Variants in TMC5 observed in about 807,000 individuals in gnomAD.
The protein encoded by TMC5 is transmembrane channel-like protein 5.
Under a neutral mutation model 110.5 loss-of-function variants are expected in TMC5, and 86 were observed. That is an observed-to-expected ratio of 0.78 (90% confidence interval 0.65 to 0.93). TMC5 has a LOEUF of 0.93. Among genes scored for constraint, TMC5 ranks in the 40% least tolerant of loss-of-function variants. TMC5 has a pLI of 0.00. For synonymous variants in TMC5, 455 were observed against 439.5 expected, an observed-to-expected ratio of 1.04 and a Z score of -0.44; for missense variants, 1,144 against 1,222.8, an observed-to-expected ratio of 0.94 and a Z score of 0.96.
At chr16:19,484,935 G>A (rs1245371453) in intron 15 of TMC5, among the ~76,000 whole-genome samples, 1 of 150,954 alleles carries the variant, frequency 6.6e-6, no homozygotes, top group Non-Finnish European at 1.5e-5. Flanking sequence ...CTTTGATGAT[G>A]AGTTTTACAA....
chr16:19,458,048 G>A (rs1273466451), intron 5 of TMC5, among the ~76,000 whole-genome samples: 10 of 151,682 alleles, frequency 6.6e-5, no homozygotes, highest in East Asian at 5.9e-4. Flanking sequence ...ATCCTTAATC[G>A]CTACACTGTC....
chr16:19,487,033 G>A lies in TMC5; in HGVS notation c.2439+13G>A, dbSNP rs752720741. 7.4e-6 allele frequency: 12 copies of A among 1,613,262 alleles called. No individual in the cohort carries two copies. The highest frequency in any genetic ancestry group is 1.7e-5 in the Admixed American group (1 of 59,982). On this transcript the variant is annotated intron_variant, in intron 16 of 21. Transcript: ENST00000542583. ...CTACTCCAAAAATGTGAGTCAGTCCGACATTGCCATCAATCAGCTTTGTTC... is the reference window on the plus strand; with the variant it reads ...CTACTCCAAAAATGTGAGTCAGTCCAACATTGCCATCAATCAGCTTTGTTC...
chr16:19,449,021 G>A (rs998932687), intron 4 of TMC5, among the ~76,000 whole-genome samples: 2 of 151,034 alleles, frequency 1.3e-5, no homozygotes. Context: ...ACTACACCCG[G>A]CTAATTTTTT....
upstream of TMC5, among the ~76,000 whole-genome samples, chr16:19,415,783 C>T (rs563764427): frequency 1.3e-5 from 2 of 152,178 alleles, no homozygotes; most frequent in Non-Finnish European, 2.9e-5. Context: ...CACCCTCCTC[C>T]TCTCATTTCC....
chr16:19,479,364 G>C (rs1968560967), intron 13 of TMC5, 67 bp from the exon 14 acceptor site: 2 of 1,197,438 alleles, frequency 1.7e-6, no homozygotes, highest in Admixed American at 3.4e-5. Flanking sequence ...CATAGAGCCA[G>C]GAACAGAGGA....
intron 5 of TMC5, among the ~76,000 whole-genome samples, chr16:19,450,942 A>C (rs1397679164): frequency 2.6e-5 from 4 of 152,166 alleles, no homozygotes; most frequent in Non-Finnish European, 5.9e-5. Context: ...TGTGGTGATG[A>C]AGGTTGAATC....
intron 1 of TMC5, among the ~76,000 whole-genome samples, chr16:19,428,061 T>C (rs932786491): frequency 1.3e-5 from 2 of 152,230 alleles, no homozygotes; most frequent in East Asian, 1.9e-4. Context: ...CTTAGAGTTA[T>C]AGTTAGGGTA....
At chr16:19,446,436 C>T (rs1967616767) in intron 4 of TMC5, among the ~76,000 whole-genome samples, 1 of 152,238 alleles carries the variant, frequency 6.6e-6, no homozygotes, top group Admixed American at 6.5e-5. Context: ...TTGAGACATA[C>T]TGTGCTACTC....
intron 1 of TMC5, among the ~76,000 whole-genome samples, chr16:19,428,816 T>TTTTTG (rs770795722): frequency 3.3e-5 from 5 of 151,932 alleles, no homozygotes; most frequent in South Asian, 2.1e-4. Flanking sequence ...ATATTTTCCT[T>TTTTTG]TTTTGTTTTG....
In TMC5 at chr16:19,436,273, G is replaced by GAAAAAAAGAAA. The variant is rs1555480349; in HGVS notation, c.-79-3680_-79-3679insGAAAAAAAAAA. On this transcript the variant is annotated intron_variant, in intron 2 of 21. Transcript: ENST00000542583. Reference sequence around the variant, plus strand: ...AAAGAGCAAAAGTTCGTCTCAAAAAGAAAAAAAAAAAGAAAGGAAAAAGAA... The same window carrying GAAAAAAAGAAA: ...AAAGAGCAAAAGTTCGTCTCAAAAAGAAAAAAAGAAAAAAAAAAAAAAGAAAGGAAAAAGAA... Among the ~76,000 whole-genome samples, 53 of 107,594 alleles carry GAAAAAAAGAAA rather than the reference G, an allele frequency of 4.9e-4. 5 individuals carry two copies. The South Asian group carries it at 0.015, about 30-fold the overall frequency. The allele number at this position is 107,594 out of a possible 152,430, so 70.6% of individuals were successfully genotyped here.
At chr16:19,485,266 C>T (rs543564322) in intron 15 of TMC5, among the ~76,000 whole-genome samples, 10 of 152,074 alleles carry the variant, frequency 6.6e-5, no homozygotes, top group South Asian at 2.1e-4. Flanking sequence ...GGTACTAGTA[C>T]GTCCACCATT....
chr16:19,434,097 AATATATATATT>A (rs1263822344), intron 2 of TMC5, among the ~76,000 whole-genome samples: 10 of 22,906 alleles, frequency 4.4e-4, no homozygotes, highest in South Asian at 2.3e-3. Context: ...ATATATCTAT[AATATATATATT>A]ATATATATAT....
chr16:19,466,567 G>C (rs565111152), intron 9 of TMC5, among the ~76,000 whole-genome samples: 2 of 152,284 alleles, frequency 1.3e-5, no homozygotes, highest in Admixed American at 1.3e-4. Context: ...GGCCAGGCTG[G>C]TCTCAAACTC....
chr16:19,465,810 C>G (rs1426241573), intron 8 of TMC5, among the ~76,000 whole-genome samples: 1 of 152,152 alleles, frequency 6.6e-6, no homozygotes, highest in Admixed American at 6.6e-5. Flanking sequence ...AGAGGCCTGG[C>G]TGTCGTGTTC....
intron 2 of TMC5, among the ~76,000 whole-genome samples, chr16:19,431,512 AGCCT>A (rs1259347131): frequency 6.6e-6 from 1 of 151,562 alleles, no homozygotes; most frequent in Non-Finnish European, 1.5e-5. Flanking sequence ...ATTGCACTCC[AGCCT>A]GGGCAACAGG....
chr16:19,444,417 G>A lies in TMC5; in HGVS notation c.958+167G>A, dbSNP rs140456539. Among the ~76,000 whole-genome samples the A allele has an allele frequency of 2.6e-5, 4 of 152,158 alleles. No individual in the cohort carries two copies. The East Asian group carries it at 5.8e-4, about 22-fold the overall frequency. On this transcript the variant is annotated intron_variant, in intron 4 of 21. Coordinates refer to ENST00000542583, the MANE Select transcript of TMC5 (RefSeq NM_001261841.2). ...AGTTGAGAATTCAGTGTTTAGAGAA[G>A]CCAAGTTAATTGTCATCAATTATAA...
chr16:19,465,717 T>C (rs1968170139), intron 8 of TMC5, among the ~76,000 whole-genome samples: 1 of 152,198 alleles, frequency 6.6e-6, no homozygotes. Flanking sequence ...CACTGAAATG[T>C]AGGCCTATAG....
intron 14 of TMC5, 75 bp downstream of exon 14, chr16:19,479,603 T>TA: frequency 1.9e-6 from 2 of 1,031,670 alleles, no homozygotes; most frequent in Non-Finnish European, 3.0e-6. Context: ...GAGTGGGACA[T>TA]ACAGGTGCCT....
At chr16:19,490,309 C>G in intron 17 of TMC5, 86 bp from the exon 18 acceptor site, 1 of 1,362,432 alleles carries the variant, frequency 7.3e-7, no homozygotes, top group Non-Finnish European at 1.0e-6. Flanking sequence ...GTTTTCAGGC[C>G]CAGAGCCCAG....
Sources: allele counts gnomAD v4.1 joint callset (sites outside exome capture counted in the v4.1 genomes callset), GRCh38; gene constraint gnomAD v4.1.1; transcripts MANE v1.5; gene names NCBI Gene and HGNC (gene_info 2026-07-23, HGNC 2026-07-21).